The following PITPNB variants were observed in gnomAD, a reference collection of about 807,000 sequenced individuals.
The protein encoded by PITPNB is phosphatidylinositol transfer protein beta.
In PITPNB, 16 loss-of-function variants were observed where a neutral mutation model predicts 45.9. The ratio of observed to expected loss-of-function variants is 0.35; its 90% confidence interval spans 0.24 to 0.53. The LOEUF (loss-of-function observed/expected upper bound fraction) is 0.53, where lower values mean the gene tolerates loss of function less well. PITPNB is among the 20% of genes least tolerant of loss of function. The pLI, the probability that PITPNB is intolerant of heterozygous loss-of-function variation, is 0.93. For missense variants in PITPNB, 188 were observed against 330.5 expected, an observed-to-expected ratio of 0.57 and a Z score of 3.34; for synonymous variants, 112 against 108.9, an observed-to-expected ratio of 1.03 and a Z score of -0.18.
chr22:27,854,041 T>C (rs1934103257), intron 11 of PITPNB, among the ~76,000 whole-genome samples: 1 of 152,218 alleles, frequency 6.6e-6, no homozygotes, highest in East Asian at 1.9e-4. Flanking sequence ...CAACTGAACA[T>C]TTCATTCATC....
At chr22:27,857,369 G>T (rs971816526) in intron 10 of PITPNB, among the ~76,000 whole-genome samples, 2 of 152,090 alleles carry the variant, frequency 1.3e-5, no homozygotes, top group Non-Finnish European at 2.9e-5. Context: ...CTCTCAGAAG[G>T]TTTATATAAA....
chr22:27,884,217 C>G (rs1303432866), intron 7 of PITPNB, among the ~76,000 whole-genome samples: 5 of 152,096 alleles, frequency 3.3e-5, no homozygotes, highest in African/African-American at 4.8e-5. Context: ...CCCATTACCC[C>G]CTGGGGGGGA....
intron 10 of PITPNB, among the ~76,000 whole-genome samples, chr22:27,858,178 C>T (rs1355768737): frequency 1.3e-5 from 2 of 152,214 alleles, no homozygotes; most frequent in Non-Finnish European, 2.9e-5. Context: ...AAACTCTAGT[C>T]TACCTTCACG....
At chr22:27,857,161 T>C (rs1298364471) in intron 10 of PITPNB, among the ~76,000 whole-genome samples, 4 of 152,188 alleles carry the variant, frequency 2.6e-5, no homozygotes, top group African/African-American at 9.7e-5. Flanking sequence ...AGAGGCATAT[T>C]ATGCTGGCTA....
chr22:27,890,169 T>C (rs2146392067), intron 7 of PITPNB, among the ~76,000 whole-genome samples: 1 of 152,038 alleles, frequency 6.6e-6, no homozygotes, highest in African/African-American at 2.4e-5. Context: ...CTCCCTGAAA[T>C]GGGGGTCTGG....
chr22:27,879,034 T>A (rs537002732), intron 7 of PITPNB, among the ~76,000 whole-genome samples: 44 of 150,068 alleles, frequency 2.9e-4, no homozygotes, highest in Middle Eastern at 3.5e-3. Context: ...ACATAACACT[T>A]TTTTTTTTTG....
intron 1 of PITPNB, among the ~76,000 whole-genome samples, chr22:27,915,906 AAGTGAC>A (rs1264290907): frequency 1.3e-5 from 2 of 152,168 alleles, no homozygotes; most frequent in Non-Finnish European, 2.9e-5. Flanking sequence ...TCCAAGAGGT[AAGTGAC>A]AACTACTGCT....
chr22:27,906,118 G>A (rs1279325331), intron 3 of PITPNB, among the ~76,000 whole-genome samples: 1 of 152,152 alleles, frequency 6.6e-6, no homozygotes, highest in East Asian at 1.9e-4. Context: ...AATAAAATCA[G>A]CCATGGAATG....
intron 9 of PITPNB, among the ~76,000 whole-genome samples, chr22:27,858,742 T>C (rs940548298): frequency 1.3e-5 from 2 of 152,068 alleles, no homozygotes; most frequent in Admixed American, 6.5e-5. Context: ...TAGGCAAAGG[T>C]GTCATGATCT....
At chr22:27,903,627 T>A (rs556647698) in intron 3 of PITPNB, among the ~76,000 whole-genome samples, 2 of 150,178 alleles carry the variant, frequency 1.3e-5, no homozygotes, top group South Asian at 4.2e-4. Context: ...AAAAAAAAAA[T>A]TAGCAGAGCA....
intron 3 of PITPNB, among the ~76,000 whole-genome samples, chr22:27,899,907 G>A (rs1288378636): frequency 6.6e-6 from 1 of 151,980 alleles, no homozygotes; most frequent in African/African-American, 2.4e-5. Context: ...GGTCAACTTA[G>A]AAAAAGCAGG....
chr22:27,910,321 C>A lies in PITPNB; in HGVS notation c.197+643G>T, dbSNP rs556681747. 251 of 152,362 alleles carry A rather than the reference C, an allele frequency of 1.6e-3. 1 individual carries two copies. Among genetic ancestry groups the A allele is most frequent in the Non-Finnish European group, 2.5e-3 (169 of 68,180 alleles). 9.4% of individuals were successfully genotyped at this position (152,362 alleles called of 1,614,324 possible). A position where few individuals can be genotyped will look rare whatever the true frequency, so the allele number is the denominator to read the frequency against. On this transcript the variant is annotated intron_variant, in intron 3 of 11. Transcript: ENST00000335272. ...GTGTTGCCCAGGCTGGTGTCGAACT[C>A]CTAGGCTTAAGCAATCCTCCTGCCT...
chr22:27,918,820 C>T (rs1348831034), intron 1 of PITPNB, among the ~76,000 whole-genome samples: 1 of 152,222 alleles, frequency 6.6e-6, no homozygotes, highest in African/African-American at 2.4e-5. Flanking sequence ...GGCTCCTTCC[C>T]ACCGGCGGGC....
chr22:27,888,436 G>A (rs73166740), intron 7 of PITPNB, among the ~76,000 whole-genome samples: 2,874 of 152,328 alleles, frequency 0.019, 35 homozygotes, highest in Non-Finnish European at 0.029. Flanking sequence ...CACAGACAAT[G>A]TATGGGAGTG....
At chr22:27,860,884 A>AT (rs553510182) in intron 8 of PITPNB, among the ~76,000 whole-genome samples, 38 of 152,042 alleles carry the variant, frequency 2.5e-4, no homozygotes, top group Non-Finnish European at 5.1e-4. Context: ...AAAATAAACT[A>AT]TTTTTTTAAA....
At chr22:27,860,031 A>G (rs12160891) in intron 9 of PITPNB, 100 bp downstream of exon 9, 87,467 of 682,976 alleles carry the variant, frequency 0.13, 6,514 homozygotes, top group Middle Eastern at 0.25. Flanking sequence ...TTTTCATATC[A>G]TAAAGGAGGA....
intron 3 of PITPNB, chr22:27,898,200 A>G: frequency 1.1e-5 from 3 of 278,514 alleles, no homozygotes; most frequent in Non-Finnish European, 2.1e-5. Context: ...ACATGGTGAA[A>G]CCCTGTCTCT....
At chr22:27,886,953 T>A (rs1935139261) in intron 7 of PITPNB, among the ~76,000 whole-genome samples, 1 of 152,182 alleles carries the variant, frequency 6.6e-6, no homozygotes, top group Non-Finnish European at 1.5e-5. Flanking sequence ...ACTGATTAAA[T>A]CAGACTGAGA....
chr22:27,911,974 G>A (rs756856947), intron 2 of PITPNB, among the ~76,000 whole-genome samples: 1 of 152,124 alleles, frequency 6.6e-6, no homozygotes. Flanking sequence ...AAAAGTTCTC[G>A]TGTTCTAATT....
Sources: gnomAD v4.1 joint callset for allele counts (sites outside exome capture counted in the v4.1 genomes callset) on GRCh38, gnomAD v4.1.1 for gene constraint, MANE v1.5 for transcripts, NCBI Gene and HGNC (gene_info 2026-07-23, HGNC 2026-07-21) for gene names.